Variants in TPTE observed in about 807,000 individuals in gnomAD.
TPTE encodes the protein putative tyrosine-protein phosphatase TPTE.
TPTE carries 59 observed loss-of-function variants against 84.1 expected under a neutral mutation model. That is an observed-to-expected ratio of 0.70 (90% CI 0.57 to 0.87). The LOEUF is 0.87. Ranked by LOEUF, TPTE falls within the 40% of genes least tolerant of loss-of-function variation. TPTE has a pLI of 0.00. For missense variants in TPTE, 382 were observed against 659.6 expected, an observed-to-expected ratio of 0.58 and a Z score of 4.61; for synonymous variants, 130 against 223.5, an observed-to-expected ratio of 0.58 and a Z score of 3.73.
intron 21 of TPTE, among the ~76,000 whole-genome samples, chr21:10,600,583 T>A (rs1978350233): frequency 6.6e-6 from 1 of 152,312 alleles, no homozygotes; most frequent in African/African-American, 2.4e-5. Context: ...TTTTGCATTC[T>A]GCACCTTCTG....
chr21:10,527,133 CCTCT>C (rs59412977), intron 2 of TPTE, among the ~76,000 whole-genome samples: 88 of 148,568 alleles, frequency 5.9e-4, no homozygotes, highest in East Asian at 1.7e-3. Context: ...TTCTGTGTCC[CCTCT>C]CTCTCTCTCT....
intron 10 of TPTE, among the ~76,000 whole-genome samples, chr21:10,561,452 A>G (rs2074802183): frequency 2.0e-5 from 3 of 151,702 alleles, no homozygotes; most frequent in South Asian, 2.1e-4. Context: ...AGATCATGCC[A>G]TTGCACTCTA....
chr21:10,540,669 G>C (rs1179833125), intron 4 of TPTE: 8 of 519,056 alleles, frequency 1.5e-5, no homozygotes, highest in Non-Finnish European at 3.1e-5. Context: ...TCTCACATGG[G>C]ATGGAGCCCT....
At position 10,570,484 on chromosome 21, in the gene TPTE, G is replaced by T. The variant is rs552998709; in HGVS notation, c.731-1G>T. The stretch of plus-strand genomic sequence containing the variant: ...GTAATAGTGATGATTTTGACTTTTA[G>T]AACGTATTATTGCTATGTCATTTCC... On this transcript the variant is annotated splice_acceptor_variant, in intron 13 of 23. Coordinates refer to ENST00000618007, the MANE Select transcript of TPTE (RefSeq NM_199261.4). LOFTEE classifies it high-confidence loss of function. 3 of 1,614,148 alleles carry T rather than the reference G, an allele frequency of 1.9e-6. No individual in the cohort carries two copies. Among genetic ancestry groups the T allele is most frequent in the South Asian group, 2.2e-5 (2 of 91,078 alleles).
chr21:10,557,320 T>G (rs944757366), intron 8 of TPTE, among the ~76,000 whole-genome samples: 1 of 152,312 alleles, frequency 6.6e-6, no homozygotes, highest in Non-Finnish European at 1.5e-5. Context: ...GAAGCTTCAT[T>G]TACATAGTAC....
chr21:10,603,835 T>A (rs1978920390), intron 23 of TPTE, among the ~76,000 whole-genome samples: 2 of 152,312 alleles, frequency 1.3e-5, no homozygotes, highest in African/African-American at 4.8e-5. Flanking sequence ...TGTTGCAGTA[T>A]CCTCAGGGTC....
intron 1 of TPTE, among the ~76,000 whole-genome samples, chr21:10,521,968 C>T (rs1265982515): frequency 2.1e-5 from 3 of 143,032 alleles, no homozygotes; most frequent in African/African-American, 5.0e-5. Flanking sequence ...CTCATTCAAA[C>T]CCGGCCGGCC....
chr21:10,533,949 C>T lies in TPTE; in HGVS notation c.-43-4732C>T, dbSNP rs61092032. On this transcript the variant is annotated intron_variant, in intron 3 of 23. Transcript: ENST00000618007. ...AGAAAATGGAAGTGAGGTCCAGAAA[C>T]AGCTTTGTTGTTTACAACTGGTTAC... Among the ~76,000 whole-genome samples the T allele has an allele frequency of 7.4e-4, 113 of 152,374 alleles. No homozygotes were observed. In the East Asian group the frequency reaches 0.018, roughly 24 times the overall value.
chr21:10,552,179 G>A (rs1010540809), intron 7 of TPTE, among the ~76,000 whole-genome samples: 5 of 152,304 alleles, frequency 3.3e-5, no homozygotes, highest in African/African-American at 7.2e-5. Flanking sequence ...TAAGTTTTTC[G>A]AACATAATGC....
chr21:10,541,088 ACT>A (rs1180517669), intron 4 of TPTE, 22 bp from the exon 5 acceptor site: 18 of 1,612,530 alleles, frequency 1.1e-5, no homozygotes, highest in African/African-American at 5.3e-5. Context: ...ATTGGGTCTG[ACT>A]CTGACCATAT....
intron 14 of TPTE, among the ~76,000 whole-genome samples, chr21:10,574,564 G>C (rs375090766): frequency 6.6e-6 from 1 of 152,292 alleles, no homozygotes; most frequent in Admixed American, 6.5e-5. Context: ...AAAGGGGCGA[G>C]GGAATTCAGC....
chr21:10,596,847 C>G (rs1157962988), intron 20 of TPTE, among the ~76,000 whole-genome samples: 1 of 152,310 alleles, frequency 6.6e-6, no homozygotes, highest in Non-Finnish European at 1.5e-5. Context: ...CTACATTTCA[C>G]TGATTTCTGG....
chr21:10,525,650 C>G (rs1473200219), intron 2 of TPTE, among the ~76,000 whole-genome samples: 2,692 of 151,134 alleles, frequency 0.018, no homozygotes, highest in African/African-American at 0.064. Flanking sequence ...TGTGGTTGCT[C>G]CTATCTACCA....
At chr21:10,593,477 A>T (rs1332853458) in intron 19 of TPTE, among the ~76,000 whole-genome samples, 162 of 151,844 alleles carry the variant, frequency 1.1e-3, no homozygotes, top group East Asian at 9.3e-3. Context: ...AAGTTCATAG[A>T]TTTCTCACCA....
In TPTE at chr21:10,556,683, C is replaced by A. The variant is rs1184156053; in HGVS notation, c.234-2811C>A. Among the ~76,000 whole-genome samples, 4 of 152,430 alleles carry A rather than the reference C, an allele frequency of 2.6e-5. No individual in the cohort carries two copies. The East Asian group carries it at 7.7e-4, about 29-fold the overall frequency. On this transcript the variant is annotated intron_variant, in intron 8 of 23. Transcript: ENST00000618007. ...AACAGTGTAAAAGTGTTCAGTTTCT[C>A]CACATCCTCTCCAGCACCTGTTGTT...
intron 18 of TPTE, among the ~76,000 whole-genome samples, chr21:10,591,187 CTGA>C (rs2075469134): frequency 6.6e-6 from 1 of 152,310 alleles, no homozygotes; most frequent in African/African-American, 2.4e-5. Flanking sequence ...CTAAAAATTT[CTGA>C]TAAGACAAGG....
At chr21:10,535,625 T>C (rs1430298730) in intron 3 of TPTE, among the ~76,000 whole-genome samples, 1 of 152,308 alleles carries the variant, frequency 6.6e-6, no homozygotes, top group Non-Finnish European at 1.5e-5. Context: ...TTTCCATTTA[T>C]GAGACTCTCC....
intron 2 of TPTE, among the ~76,000 whole-genome samples, chr21:10,525,138 C>G (rs1418273524): frequency 1.3e-5 from 2 of 152,304 alleles, no homozygotes; most frequent in Non-Finnish European, 2.9e-5. Flanking sequence ...TTCAGTGGTC[C>G]CATCTCAATT....
intron 3 of TPTE, among the ~76,000 whole-genome samples, chr21:10,531,930 T>G (rs1328730451): frequency 3.3e-5 from 5 of 152,300 alleles, no homozygotes; most frequent in Non-Finnish European, 7.3e-5. Flanking sequence ...TTCATCCTTT[T>G]TCCTTGTTTA....
Sources: allele counts gnomAD v4.1 joint callset (sites outside exome capture counted in the v4.1 genomes callset), GRCh38; gene constraint gnomAD v4.1.1; transcripts MANE v1.5; gene names NCBI Gene and HGNC (gene_info 2026-07-23, HGNC 2026-07-21).